The following AGTPBP1 variants were observed in gnomAD, a reference collection of about 807,000 sequenced individuals.
The protein encoded by AGTPBP1 is cytosolic carboxypeptidase 1.
A neutral mutation model predicts 143.9 loss-of-function variants in AGTPBP1; 70 were observed. That is an observed-to-expected ratio of 0.49 (90% CI 0.40 to 0.59). AGTPBP1 has a LOEUF of 0.59. AGTPBP1 is among the 20% of genes least tolerant of loss of function. The probability of loss-of-function intolerance (pLI) is 0.00; values close to 1 mark genes in which losing one functional copy is unlikely to be tolerated. For synonymous variants in AGTPBP1, 463 were observed against 500.2 expected, an observed-to-expected ratio of 0.93 and a Z score of 0.99; for missense variants, 1,229 against 1,464.5, an observed-to-expected ratio of 0.84 and a Z score of 2.62.
intron 13 of AGTPBP1, among the ~76,000 whole-genome samples, chr9:85,640,921 C>G (rs201682511): frequency 6.6e-6 from 1 of 152,140 alleles, no homozygotes; most frequent in East Asian, 1.9e-4. Flanking sequence ...GGAGGTTAAT[C>G]ACAGTCTGAA....
the AGTPBP1 span, among the ~76,000 whole-genome samples, chr9:85,773,223 C>A: frequency 3.3e-5 from 4 of 121,710 alleles, no homozygotes; most frequent in African/African-American, 1.3e-4. Context: ...CGAGATTGCA[C>A]GACTGCACTC....
chr9:85,682,290 A>G (rs920577719), intron 3 of AGTPBP1, among the ~76,000 whole-genome samples: 2 of 152,066 alleles, frequency 1.3e-5, no homozygotes, highest in Non-Finnish European at 2.9e-5. Context: ...ATCCTAGGTC[A>G]ACATTTAGAA....
the AGTPBP1 span, among the ~76,000 whole-genome samples, chr9:85,794,627 G>A: frequency 2.6e-5 from 4 of 151,996 alleles, no homozygotes; most frequent in African/African-American, 7.2e-5. Flanking sequence ...TTCGTTATTT[G>A]GGGTCCCTTA....
chr9:85,801,507 G>C, the AGTPBP1 span, among the ~76,000 whole-genome samples: 6 of 152,104 alleles, frequency 3.9e-5, no homozygotes, highest in South Asian at 1.2e-3. Context: ...GGCAGAGCTA[G>C]CATCTGTAGA....
chr9:85,562,955 A>G (rs1367770234), intron 25 of AGTPBP1, among the ~76,000 whole-genome samples: 1 of 152,044 alleles, frequency 6.6e-6, no homozygotes, highest in Non-Finnish European at 1.5e-5. Context: ...TATAAAAGAG[A>G]CCCCATAAAG....
chr9:85,643,571 T>C (rs1832630789), intron 12 of AGTPBP1, among the ~76,000 whole-genome samples: 1 of 152,254 alleles, frequency 6.6e-6, no homozygotes. Context: ...AAAGTTCTTT[T>C]AGAAAAACTC....
rs1364037415 is a variant in AGTPBP1 at position 85,643,125 on chromosome 9, TTA to T, written c.1186-184_1186-183del. On this transcript the variant is annotated intron_variant, in intron 12 of 25. Coordinates refer to ENST00000357081, the MANE Select transcript of AGTPBP1 (RefSeq NM_001330701.2). ...TGCTTATTGTTTTGGGGTTGTTGTG[TTA>T]TTGTTGGGTAGTTTTGTTTTGTTTT... is the stretch of plus-strand genomic sequence containing the variant. The T allele has an allele frequency of 2.9e-5, 16 of 553,854 alleles. No homozygotes were observed. The East Asian group carries it at 4.9e-4, about 17-fold the overall frequency. 34.3% of individuals were successfully genotyped at this position (553,854 alleles called of 1,614,324 possible). A position where few individuals can be genotyped will look rare whatever the true frequency, so the allele number is the denominator to read the frequency against.
rs944792438 is a variant in AGTPBP1, at chr9:85,546,855, T to G, written c.*254A>C. ...AAAAATTCATGCAATGATACTCAGGTTTTTTTTTTAAAGGTAAATCCAATA... is the reference window on the plus strand; with the variant it reads ...AAAAATTCATGCAATGATACTCAGGGTTTTTTTTTAAAGGTAAATCCAATA... On this transcript the variant is annotated 3_prime_UTR_variant, in exon 26 of 26. Coordinates refer to ENST00000357081, the MANE Select transcript of AGTPBP1 (RefSeq NM_001330701.2). 5 of 248,956 alleles carry G rather than the reference T, an allele frequency of 2.0e-5. No individual in the cohort carries two copies. The highest frequency in any genetic ancestry group is 2.4e-5 in the African/African-American group (1 of 41,264). 15.4% of individuals were successfully genotyped at this position (248,956 alleles called of 1,614,324 possible).
At position 85,649,246 on chromosome 9, in the gene AGTPBP1, CATT is replaced by C. The variant is rs559469150; in HGVS notation, c.1088-2831_1088-2829del. Among the ~76,000 whole-genome samples the C allele has an allele frequency of 5.3e-5, 8 of 152,306 alleles. No individual in the cohort carries two copies. The South Asian group carries it at 1.7e-3, about 32-fold the overall frequency. ...TTATACTACAACTGTATGATGTAGT[CATT>C]AGAAGGAAAGAGTCTGCACATTCTA... is the stretch of plus-strand genomic sequence containing the variant. On this transcript the variant is annotated intron_variant, in intron 11 of 25. Coordinates refer to ENST00000357081, the MANE Select transcript of AGTPBP1 (RefSeq NM_001330701.2).
the AGTPBP1 span, chr9:85,765,043 G>A: frequency 1.7e-6 from 1 of 590,252 alleles, no homozygotes; most frequent in Non-Finnish European, 3.1e-6. Context: ...TTGAGATTTT[G>A]TCAGATGTAG....
chr9:85,655,228 TG>T lies in AGTPBP1; in HGVS notation c.1001del (p.Pro334GlnfsTer16). On this transcript the variant is annotated frameshift_variant, in exon 11 of 26. Coordinates refer to ENST00000357081, the MANE Select transcript of AGTPBP1 (RefSeq NM_001330701.2). LOFTEE classifies it high-confidence loss of function. Reference sequence around the variant, plus strand: ...GGAAATGAAAAGAACTTTTAATTGTTGGGAGTGGCAGTCGATTTTTTGGGAA... The same window carrying T: ...GGAAATGAAAAGAACTTTTAATTGTTGGAGTGGCAGTCGATTTTTTGGGAA... ...KCFPKNRLPL[P>X]TIKSSFHFQL... 1 of 1,608,938 alleles carries T rather than the reference TG, an allele frequency of 6.2e-7. No homozygotes were observed. The highest frequency in any genetic ancestry group is 8.5e-7 in the Non-Finnish European group (1 of 1,177,266).
intron 17 of AGTPBP1, among the ~76,000 whole-genome samples, chr9:85,610,158 GTAAGAA>G (rs1166312082): frequency 6.6e-6 from 1 of 152,210 alleles, no homozygotes; most frequent in African/African-American, 2.4e-5. Context: ...TTCAATTTAT[GTAAGAA>G]GGCAGTTGAA....
At chr9:85,665,956 A>G (rs971462419) in intron 8 of AGTPBP1, among the ~76,000 whole-genome samples, 9 of 152,158 alleles carry the variant, frequency 5.9e-5, no homozygotes, top group African/African-American at 2.2e-4. Flanking sequence ...TAATGTTACA[A>G]AAGAATTTTA....
chr9:85,613,842 T>C (rs1353876514), intron 17 of AGTPBP1, among the ~76,000 whole-genome samples: 1 of 152,010 alleles, frequency 6.6e-6, no homozygotes, highest in African/African-American at 2.4e-5. Flanking sequence ...TGTAAAACCT[T>C]TAAACAAAAT....
chr9:85,693,952 T>C (rs902199892), intron 2 of AGTPBP1, among the ~76,000 whole-genome samples: 1 of 152,106 alleles, frequency 6.6e-6, no homozygotes, highest in African/African-American at 2.4e-5. Context: ...CACAAGCTCC[T>C]AGATCCCTGC....
intron 2 of AGTPBP1, among the ~76,000 whole-genome samples, chr9:85,693,686 A>G (rs939523619): frequency 1.3e-5 from 2 of 152,200 alleles, no homozygotes; most frequent in Admixed American, 6.5e-5. Context: ...CCTGCCCCGC[A>G]TAGAGTGTAC....
intron 17 of AGTPBP1, among the ~76,000 whole-genome samples, chr9:85,601,231 G>A (rs1829649004): frequency 6.6e-6 from 1 of 152,178 alleles, no homozygotes. Flanking sequence ...CTGGGGGCAG[G>A]CAGACTTCCC....
intron 17 of AGTPBP1, among the ~76,000 whole-genome samples, 197 bp downstream of exon 17, chr9:85,618,786 G>A (rs554557553): frequency 1.3e-5 from 2 of 152,194 alleles, no homozygotes; most frequent in African/African-American, 4.8e-5. Flanking sequence ...TAAAGGACTT[G>A]CCTATATAAG....
In AGTPBP1 at chr9:85,546,995, C is replaced by T; in HGVS notation, c.*114G>A. On this transcript the variant is annotated 3_prime_UTR_variant, in exon 26 of 26. Coordinates refer to ENST00000357081, the MANE Select transcript of AGTPBP1 (RefSeq NM_001330701.2). ...CTTGAAACCAAACTGGCCCAAGTTA[C>T]TTTTTGTCTTTTTGAGTCAGCTCTG... 1 of 1,087,578 alleles carries T rather than the reference C, an allele frequency of 9.2e-7. No individual in the cohort carries two copies. Among genetic ancestry groups the T allele is most frequent in the Non-Finnish European group, 1.2e-6 (1 of 810,896 alleles). The allele number at this position is 1,087,578 out of a possible 1,614,324, so 67.4% of individuals were successfully genotyped here.
Sources: allele counts gnomAD v4.1 joint callset (sites outside exome capture counted in the v4.1 genomes callset), GRCh38; gene constraint gnomAD v4.1.1; transcripts MANE v1.5; gene names NCBI Gene and HGNC (gene_info 2026-07-23, HGNC 2026-07-21).